The following SPTB variants were observed in gnomAD, a reference collection of about 807,000 sequenced individuals.
SPTB encodes the protein spectrin beta chain, erythrocytic.
SPTB carries 45 observed loss-of-function variants against 256.2 expected under a neutral mutation model. The observed-to-expected ratio is 0.18, with a 90% CI of 0.14 to 0.23. The LOEUF is 0.23. Among genes scored for constraint, SPTB ranks in the 10% least tolerant of loss-of-function variants. The pLI, the probability that SPTB is intolerant of heterozygous loss-of-function variation, is 1.00. For synonymous variants in SPTB, 1,231 were observed against 1,243.1 expected (o/e 0.99, Z 0.21); for missense variants, 2,715 against 3,040.4 (o/e 0.89, Z 2.52).
At chr14:64,769,169 C>A in intron 28 of SPTB, 51 bp from the exon 29 acceptor site, 2 of 1,552,380 alleles carry the variant, frequency 1.3e-6, no homozygotes, top group South Asian at 2.2e-5. Flanking sequence ...CCTTCACCAT[C>A]TGAGGCAGTG....
intron 2 of SPTB, 32 bp from the exon 3 acceptor site, chr14:64,805,122 C>G (rs2082958338): frequency 6.2e-7 from 1 of 1,613,986 alleles, no homozygotes; most frequent in African/African-American, 1.3e-5. Flanking sequence ...GGTGAGGTGC[C>G]TGAGGTTGGC....
chr14:64,851,756 C>T (rs564335648), intron 1 of SPTB, among the ~76,000 whole-genome samples: 5 of 151,992 alleles, frequency 3.3e-5, no homozygotes, highest in Admixed American at 6.6e-5. Flanking sequence ...AGCAAACTAA[C>T]GCAGGAATAG....
rs2081894898 is a variant in SPTB at position 64,748,973 on chromosome 14, T to C, written c.*333A>G. The C allele has an allele frequency of 1.9e-5, 4 of 214,552 alleles. No homozygotes were observed. Among genetic ancestry groups the C allele is most frequent in the Admixed American group, 6.0e-5 (1 of 16,590 alleles). The allele number at this position is 214,552 out of a possible 1,614,324, so 13.3% of individuals were successfully genotyped here. ...TTTTTTTGGTTGGGGGTAAGGGGCCTGTGCCCCCTCGGCTCAGGAGGAGGG... is the reference window on the plus strand; with the variant it reads ...TTTTTTTGGTTGGGGGTAAGGGGCCCGTGCCCCCTCGGCTCAGGAGGAGGG... On this transcript the variant is annotated 3_prime_UTR_variant, in exon 36 of 36. Coordinates refer to ENST00000644917, the MANE Select transcript of SPTB (RefSeq NM_001355436.2).
chr14:64,862,873 CA>C (rs5809252), intron 1 of SPTB, among the ~76,000 whole-genome samples: 7,929 of 150,344 alleles, frequency 0.053, 278 homozygotes, highest in Middle Eastern at 0.088. Flanking sequence ...ACAATAACAA[CA>C]AAAAAAAACC....
At position 64,779,178 on chromosome 14, in the gene SPTB, T is replaced by C. The variant is rs1244724378; in HGVS notation, c.4542A>G (p.Gln1514=). The C allele has an allele frequency of 9.9e-6, 16 of 1,613,862 alleles. No individual in the cohort carries two copies. In the East Asian group the frequency reaches 1.8e-4, roughly 18 times the overall value. The change falls in exon 22 of 36, where the codon CAA becomes CAG. Residue 1514 remains glutamine, a synonymous_variant. Transcript: ENST00000644917. The surrounding 1 kb of genome is among the most constrained non-coding windows in gnomAD (Gnocchi z 4.2). ...ADYGTNLQTV[Q]LFMKKNQTLQ... ...TCACCTGGTTCTTCTTCATGAACAGTTGCACAGTTTGCAGATTAGTGCCAT... is the reference window on the plus strand; with the variant it reads ...TCACCTGGTTCTTCTTCATGAACAGCTGCACAGTTTGCAGATTAGTGCCAT...
chr14:64,785,704 C>T lies in SPTB; in HGVS notation c.3764+45G>A. The T allele has an allele frequency of 1.2e-6, 2 of 1,613,790 alleles. No homozygotes were observed. The highest frequency in any genetic ancestry group is 1.1e-5 in the South Asian group (1 of 91,066). ...CACCAAGCTTGGGGTCCTCACTACC[C>T]CCGTGTGGCTCTGGGGGCCTCGTGG... On this transcript the variant is annotated intron_variant, in intron 17 of 35. Coordinates refer to ENST00000644917, the MANE Select transcript of SPTB (RefSeq NM_001355436.2). This position sits in a 1 kb window ranked among gnomAD's most constrained non-coding sequence, Gnocchi z 4.4.
In SPTB at chr14:64,771,080, C is replaced by G. The variant is rs760795766; in HGVS notation, c.5603G>C (p.Gly1868Ala). The change falls in exon 27 of 36, where the codon GGG becomes GCG. Residue 1868 changes from glycine (G) to alanine (A), a missense_variant. Physicochemically the swap from Gly to Ala is moderately conservative, Grantham distance 60 (BLOSUM62 0). Transcript: ENST00000644917. ...VATRLQTAYA[G>A]EKAEAIQNKE... ...GTTCTGGATGGCCTCTGCCTTCTCCCCAGCATATGCTGTCTGCAGACGGGT... is the reference window on the plus strand; with the variant it reads ...GTTCTGGATGGCCTCTGCCTTCTCCGCAGCATATGCTGTCTGCAGACGGGT... 7 of 1,614,152 alleles carry G rather than the reference C, an allele frequency of 4.3e-6. No homozygotes were observed. Among genetic ancestry groups the G allele is most frequent in the Non-Finnish European group, 5.1e-6 (6 of 1,180,036 alleles).
chr14:64,752,118 C>CA lies in SPTB; in HGVS notation c.6602+1418dup, dbSNP rs541063568. ...AAACAAAACAAAACAAAACAAAACA[C>CA]AAAAAAAGACAAATAGGGCTCATGT... On this transcript the variant is annotated intron_variant, in intron 33 of 35. Transcript: ENST00000644917. 1.2e-5 allele frequency: 14 copies of CA among 1,204,336 alleles called. No individual in the cohort carries two copies. The East Asian group carries it at 2.4e-4, about 20-fold the overall frequency. The allele number at this position is 1,204,336 out of a possible 1,614,324, so 74.6% of individuals were successfully genotyped here. A position where few individuals can be genotyped will look rare whatever the true frequency, so the allele number is the denominator to read the frequency against.
intron 2 of SPTB, among the ~76,000 whole-genome samples, chr14:64,810,892 G>A (rs1423745361): frequency 6.6e-6 from 1 of 152,194 alleles, no homozygotes; most frequent in Non-Finnish European, 1.5e-5. Context: ...AAGGTAGGAG[G>A]ATCACTTGAG....
Position 64,772,750 on chromosome 14 carries a change from C to CG in SPTB, c.5382dup (p.Ala1795ArgfsTer4). ...AAGTAGCGGTGCAGGTCATAGGAGG[C>CG]GGCCAGCAGCTGCATGCGCGTGTCA... On this transcript the variant is annotated frameshift_variant, in exon 26 of 36. Coordinates refer to ENST00000644917, the MANE Select transcript of SPTB (RefSeq NM_001355436.2). LOFTEE classifies it high-confidence loss of function. This position sits in a 1 kb window ranked among gnomAD's most constrained non-coding sequence, Gnocchi z 5.4. The CG allele has an allele frequency of 6.2e-7, 1 of 1,613,888 alleles. No homozygotes were observed. Among genetic ancestry groups the CG allele is most frequent in the Non-Finnish European group, 8.5e-7 (1 of 1,180,014 alleles).
chr14:64,753,874 A>G (rs2081986215), intron 32 of SPTB, 81 bp from the exon 33 acceptor site: 1 of 1,573,726 alleles, frequency 6.4e-7, no homozygotes, highest in Middle Eastern at 1.7e-4. Flanking sequence ...TTGGGAGGTC[A>G]GCAGCCACCC....
chr14:64,817,519 TG>T lies in SPTB; in HGVS notation c.148+5427del, dbSNP rs754892788. 3.9e-5 allele frequency among the ~76,000 whole-genome samples: 6 copies of T among 152,184 alleles called. No homozygotes were observed. The East Asian group carries it at 5.8e-4, about 15-fold the overall frequency. On this transcript the variant is annotated intron_variant, in intron 2 of 35. Transcript: ENST00000644917. ...GGTTACGGGTACCTGGAGACAGACA[TG>T]GGGGGAACATGGACAACTGGTGCCT...
chr14:64,798,988 T>C (rs1322969790), intron 9 of SPTB, among the ~76,000 whole-genome samples: 5 of 152,236 alleles, frequency 3.3e-5, no homozygotes, highest in Non-Finnish European at 7.3e-5. Flanking sequence ...CATGGTTGTA[T>C]ATATGTATGT....
intron 19 of SPTB, among the ~76,000 whole-genome samples, chr14:64,783,358 T>C (rs1158169720): frequency 6.6e-6 from 1 of 152,112 alleles, no homozygotes; most frequent in African/African-American, 2.4e-5. Flanking sequence ...TATGCCACCA[T>C]GCCCAGATAA....
At chr14:64,808,999 G>A (rs545047791) in intron 2 of SPTB, among the ~76,000 whole-genome samples, 10 of 151,764 alleles carry the variant, frequency 6.6e-5, no homozygotes, top group African/African-American at 1.9e-4. Context: ...GGTGGCTCAC[G>A]CCTGTAATCC....
intron 1 of SPTB, among the ~76,000 whole-genome samples, chr14:64,858,640 C>G (rs148668027): frequency 2.0e-5 from 3 of 152,216 alleles, no homozygotes; most frequent in African/African-American, 7.2e-5. Flanking sequence ...AAGGGGGAAA[C>G]GCCAAACAAA....
chr14:64,768,584 C>T (rs1363564350), intron 29 of SPTB, among the ~76,000 whole-genome samples: 3 of 152,032 alleles, frequency 2.0e-5, no homozygotes, highest in African/African-American at 4.8e-5. Context: ...GACGAAGAGC[C>T]GGTTCTGTGC....
At position 64,823,409 on chromosome 14, in the gene SPTB, C is replaced by T. The variant is rs559092778; in HGVS notation, c.-51-264G>A. Among the ~76,000 whole-genome samples the T allele has an allele frequency of 1.3e-5, 2 of 152,278 alleles. No individual in the cohort carries two copies. Among genetic ancestry groups the T allele is most frequent in the South Asian group, 2.1e-4 (1 of 4,822 alleles). ...GGTCAGGACGGCCAGCAGGTGGAGA[C>T]GTCAGTCGCAGCCAGCTGCTTCCTC... is the stretch of plus-strand genomic sequence containing the variant. On this transcript the variant is annotated intron_variant, in intron 1 of 35. Coordinates refer to ENST00000644917, the MANE Select transcript of SPTB (RefSeq NM_001355436.2). The surrounding 1 kb of genome is among the most constrained non-coding windows in gnomAD (Gnocchi z 6.5).
rs1361568238 is a variant in SPTB, at chr14:64,791,701, G to A, written c.2804+18C>T. On this transcript the variant is annotated intron_variant, in intron 15 of 35. Coordinates refer to ENST00000644917, the MANE Select transcript of SPTB (RefSeq NM_001355436.2). ...TTGAGAGACAATGCCCCCGCCCCAT[G>A]CCCTACCCACACCCCACCTGGTGTT... 1.2e-6 allele frequency: 2 copies of A among 1,612,690 alleles called. No homozygotes were observed. Among genetic ancestry groups the A allele is most frequent in the Non-Finnish European group, 1.7e-6 (2 of 1,179,316 alleles).
Sources: gnomAD v4.1 joint callset for allele counts (sites outside exome capture counted in the v4.1 genomes callset) on GRCh38, gnomAD v4.1.1 for gene constraint, Gnocchi (gnomAD v3.1) non-coding constraint, MANE v1.5 for transcripts, NCBI Gene and HGNC (gene_info 2026-07-23, HGNC 2026-07-21) for gene names.